TRABD2B: variants seen among roughly 807,000 people sequenced by gnomAD.
TRABD2B encodes the protein TraB domain containing 2B.
Under a neutral mutation model 40.1 loss-of-function variants are expected in TRABD2B, and 14 were observed. That is an observed-to-expected ratio of 0.35 (90% CI 0.23 to 0.55). The LOEUF (loss-of-function observed/expected upper bound fraction) is 0.55. TRABD2B is among the 20% of genes least tolerant of loss of function. The pLI is 0.90. For missense variants in TRABD2B, 541 were observed against 648.6 expected (o/e 0.83, Z 1.80); for synonymous variants, 263 against 277.0 (o/e 0.95, Z 0.50).
chr1:47,765,952 C>T lies in TRABD2B; in HGVS notation c.1504G>A (p.Ala502Thr), dbSNP rs868539954. Residue 502 changes from alanine (A) to threonine (T), a missense_variant, in exon 7 of 7, where the codon GCC becomes ACC. Transcript: ENST00000606738. ...AGGAAGCAGACAGCGATGGTGGTGGCGATGGCGGGGAGAAGGCCCAGGGTG... is the reference window on the plus strand; with the variant it reads ...AGGAAGCAGACAGCGATGGTGGTGGTGATGGCGGGGAGAAGGCCCAGGGTG... ...APTLGLLPAI[A>T]TTIAVCFLLH... 1.4e-5 allele frequency: 10 copies of T among 702,670 alleles called. No individual in the cohort carries two copies. The highest frequency in any genetic ancestry group is 2.6e-5 in the Non-Finnish European group (10 of 384,914). 43.5% of individuals were successfully genotyped at this position (702,670 alleles called of 1,614,324 possible). A position where few individuals can be genotyped will look rare whatever the true frequency, so the allele number is the denominator to read the frequency against.
At chr1:47,991,189 G>A (rs1005190027) in intron 2 of TRABD2B, among the ~76,000 whole-genome samples, 31 of 152,142 alleles carry the variant, frequency 2.0e-4, no homozygotes, top group African/African-American at 7.2e-4. Context: ...TATTAGCCAC[G>A]TGACCTTGGG....
chr1:47,979,055 G>A (rs1485100059), intron 2 of TRABD2B, among the ~76,000 whole-genome samples: 1 of 152,102 alleles, frequency 6.6e-6, no homozygotes, highest in Non-Finnish European at 1.5e-5. Context: ...GTCGGTCAGA[G>A]CACGAGGCTG....
chr1:47,960,228 G>A (rs1557681265), intron 2 of TRABD2B, among the ~76,000 whole-genome samples: 1 of 152,082 alleles, frequency 6.6e-6, no homozygotes, highest in Non-Finnish European at 1.5e-5. Context: ...AATAATAAGA[G>A]CTATTTATGA....
chr1:47,985,832 G>T (rs193075996), intron 2 of TRABD2B, among the ~76,000 whole-genome samples: 132 of 152,296 alleles, frequency 8.7e-4, no homozygotes, highest in Non-Finnish European at 1.7e-3. Context: ...TGTTTGACGA[G>T]CCCAAGCTTT....
At chr1:47,769,476 G>A (rs561525362) in intron 6 of TRABD2B, among the ~76,000 whole-genome samples, 102 of 152,338 alleles carry the variant, frequency 6.7e-4, no homozygotes, top group African/African-American at 2.4e-3. Context: ...TTTATTGCTT[G>A]GCAGGAGTCC....
chr1:47,806,153 G>A (rs961981918), intron 2 of TRABD2B, among the ~76,000 whole-genome samples: 1 of 152,190 alleles, frequency 6.6e-6, no homozygotes, highest in Non-Finnish European at 1.5e-5. Flanking sequence ...CAGCATCCTT[G>A]GTGCTTCCAA....
chr1:47,990,814 T>C (rs1453588615), intron 2 of TRABD2B, among the ~76,000 whole-genome samples: 2 of 77,598 alleles, frequency 2.6e-5, no homozygotes, highest in East Asian at 3.6e-4. Flanking sequence ...TATATATATA[T>C]ATATATATAT....
chr1:47,798,287 A>G (rs547663431), intron 3 of TRABD2B, among the ~76,000 whole-genome samples: 29 of 152,350 alleles, frequency 1.9e-4, no homozygotes, highest in Middle Eastern at 6.8e-3. Context: ...AGATTGCTCC[A>G]TGCCTGTTAA....
At chr1:47,791,234 A>G (rs554835271) in intron 4 of TRABD2B, among the ~76,000 whole-genome samples, 1 of 152,290 alleles carries the variant, frequency 6.6e-6, no homozygotes, top group Non-Finnish European at 1.5e-5. Context: ...GGCCCCATCC[A>G]GACTCCAGAA....
intron 2 of TRABD2B, among the ~76,000 whole-genome samples, chr1:47,909,677 A>T (rs1644731236): frequency 1.3e-5 from 2 of 150,234 alleles, no homozygotes; most frequent in African/African-American, 4.9e-5. Context: ...TGGGGAGGGC[A>T]CTAAGACATT....
intron 2 of TRABD2B, among the ~76,000 whole-genome samples, chr1:47,809,377 G>A (rs1244941479): frequency 6.6e-6 from 1 of 152,156 alleles, no homozygotes; most frequent in East Asian, 1.9e-4. Flanking sequence ...CTTGTAGGAT[G>A]AATAAGTGAA....
At chr1:47,931,024 T>G (rs1180254904) in intron 2 of TRABD2B, among the ~76,000 whole-genome samples, 1 of 152,216 alleles carries the variant, frequency 6.6e-6, no homozygotes, top group Admixed American at 6.5e-5. Flanking sequence ...CCTGTGTCAT[T>G]CACCAGAATA....
At chr1:47,953,190 C>G (rs1645370951) in intron 2 of TRABD2B, among the ~76,000 whole-genome samples, 1 of 152,216 alleles carries the variant, frequency 6.6e-6, no homozygotes, top group Non-Finnish European at 1.5e-5. Flanking sequence ...ACCAGGCATG[C>G]AGGTACTGCA....
At position 47,766,213 on chromosome 1, in the gene TRABD2B, T is replaced by C. The variant is rs2124408762; in HGVS notation, c.1350-107A>G. The C allele has an allele frequency of 4.6e-6, 3 of 646,854 alleles. 1 individual carries two copies. Among genetic ancestry groups the C allele is most frequent in the East Asian group, 5.4e-5 (2 of 36,776 alleles). 40.1% of individuals were successfully genotyped at this position (646,854 alleles called of 1,614,324 possible). ...TTCAGGTCTATTTTGCCTAATACAA[T>C]GGAGAAGGGAACAAGGAGCTTGAGC... On this transcript the variant is annotated intron_variant, in intron 6 of 6. Transcript: ENST00000606738.
intron 2 of TRABD2B, among the ~76,000 whole-genome samples, chr1:47,862,555 T>A (rs1319109911): frequency 6.6e-6 from 1 of 152,000 alleles, no homozygotes; most frequent in African/African-American, 2.4e-5. Flanking sequence ...AAGATATATA[T>A]GAGAAAAACT....
intron 2 of TRABD2B, among the ~76,000 whole-genome samples, chr1:47,987,592 C>T (rs929042585): frequency 6.6e-6 from 1 of 152,120 alleles, no homozygotes; most frequent in Non-Finnish European, 1.5e-5. Flanking sequence ...TGTGTGTTAT[C>T]CCCCTACATT....
intron 4 of TRABD2B, among the ~76,000 whole-genome samples, chr1:47,780,551 G>A (rs1014300820): frequency 1.3e-5 from 2 of 152,130 alleles, no homozygotes; most frequent in African/African-American, 4.8e-5. Context: ...ATGATGGAGA[G>A]GGAACTGTTC....
At chr1:47,952,147 C>T (rs1645353910) in intron 2 of TRABD2B, among the ~76,000 whole-genome samples, 1 of 152,194 alleles carries the variant, frequency 6.6e-6, no homozygotes, top group Admixed American at 6.5e-5. Flanking sequence ...GGCATTATGC[C>T]ATGTGCCACA....
intron 5 of TRABD2B, among the ~76,000 whole-genome samples, chr1:47,777,021 G>T (rs959283438): frequency 6.6e-6 from 1 of 152,008 alleles, no homozygotes; most frequent in Non-Finnish European, 1.5e-5. Flanking sequence ...TTGCTCCCCC[G>T]TGCAGGAGGC....
Sources: gnomAD v4.1 joint callset for allele counts (sites outside exome capture counted in the v4.1 genomes callset) on GRCh38, gnomAD v4.1.1 for gene constraint, MANE v1.5 for transcripts, NCBI Gene and HGNC (gene_info 2026-07-23, HGNC 2026-07-21) for gene names.